Variants in SGCD observed in about 807,000 individuals in gnomAD.
SGCD encodes the protein sarcoglycan delta, also known as delta-sarcoglycan.
In SGCD, 18 loss-of-function variants were observed where a neutral mutation model predicts 36.6. The observed-to-expected ratio is 0.49, with a 90% CI of 0.34 to 0.73. SGCD has a LOEUF of 0.73. Among genes scored for constraint, SGCD ranks in the 30% least tolerant of loss-of-function variants. The pLI, the probability that SGCD is intolerant of heterozygous loss-of-function variation, is 0.01. For synonymous variants in SGCD, 133 were observed against 130.6 expected (o/e 1.02, Z -0.12); for missense variants, 387 against 346.7 (o/e 1.12, Z -0.92).
At chr5:156,719,601 C>T (rs1260556211) in intron 7 of SGCD, among the ~76,000 whole-genome samples, 1 of 152,038 alleles carries the variant, frequency 6.6e-6, no homozygotes, top group Non-Finnish European at 1.5e-5. Context: ...CTGCAGAGTA[C>T]ATACCTAAAT....
chr5:156,584,388 C>T (rs1212750295), intron 4 of SGCD, among the ~76,000 whole-genome samples: 1 of 152,202 alleles, frequency 6.6e-6, no homozygotes, highest in Non-Finnish European at 1.5e-5. Context: ...AGTTAAGTGT[C>T]TATGCCCCCT....
At chr5:156,653,767 A>G (rs147056847) in intron 7 of SGCD, among the ~76,000 whole-genome samples, 196 of 152,110 alleles carry the variant, frequency 1.3e-3, no homozygotes, top group African/African-American at 4.5e-3. Flanking sequence ...TAAATTGTTA[A>G]TGAACTTGGT....
chr5:156,323,115 A>C (rs948878711), upstream of SGCD, among the ~76,000 whole-genome samples: 2 of 152,184 alleles, frequency 1.3e-5, no homozygotes, highest in Non-Finnish European at 2.9e-5. Context: ...AGATGAGGTT[A>C]ATACTAGCAC....
At chr5:156,416,680 T>G (rs1333222923) in intron 3 of SGCD, among the ~76,000 whole-genome samples, 1 of 152,190 alleles carries the variant, frequency 6.6e-6, no homozygotes, top group Non-Finnish European at 1.5e-5. Context: ...TTGGACAAAC[T>G]CCTTCATCTC....
chr5:156,215,549 C>T (rs545781424), intron 3 of SGCD, among the ~76,000 whole-genome samples: 1 of 152,168 alleles, frequency 6.6e-6, no homozygotes, highest in East Asian at 1.9e-4. Flanking sequence ...TAAAAGAAGA[C>T]ATACAATAGG....
At chr5:156,005,258 A>G (rs564751510) in intron 1 of SGCD, among the ~76,000 whole-genome samples, 1 of 152,248 alleles carries the variant, frequency 6.6e-6, no homozygotes, top group East Asian at 1.9e-4. Context: ...CCTTCATCCC[A>G]GTCCTAATGG....
chr5:156,297,062 T>C (rs1384043693), intron 3 of SGCD, among the ~76,000 whole-genome samples: 2 of 151,814 alleles, frequency 1.3e-5, no homozygotes, highest in Non-Finnish European at 2.9e-5. Flanking sequence ...ATATTAGATA[T>C]TTTGATACAG....
the SGCD span, among the ~76,000 whole-genome samples, chr5:155,813,408 G>A: frequency 4.6e-5 from 7 of 152,196 alleles, no homozygotes; most frequent in East Asian, 3.9e-4. Context: ...AAAGGCCTGC[G>A]CATGCCTGAA....
intron 1 of SGCD, among the ~76,000 whole-genome samples, chr5:155,923,242 T>A (rs954610935): frequency 6.7e-6 from 1 of 149,926 alleles, no homozygotes; most frequent in African/African-American, 2.4e-5. Context: ...ATGAATAAAC[T>A]AATACATGTA....
intron 7 of SGCD, among the ~76,000 whole-genome samples, chr5:156,697,738 T>C (rs1754374481): frequency 6.7e-6 from 1 of 149,490 alleles, no homozygotes; most frequent in Non-Finnish European, 1.5e-5. Flanking sequence ...AAGATAGTAT[T>C]GGATGGACGG....
intron 4 of SGCD, among the ~76,000 whole-genome samples, chr5:156,581,492 G>A (rs985232087): frequency 2.0e-5 from 3 of 152,230 alleles, no homozygotes; most frequent in Non-Finnish European, 2.9e-5. Context: ...AAAAGTTTCT[G>A]CTGCCTTTTT....
At chr5:156,330,227 A>C (rs1269718429) in intron 2 of SGCD, among the ~76,000 whole-genome samples, 1 of 152,150 alleles carries the variant, frequency 6.6e-6, no homozygotes, top group Non-Finnish European at 1.5e-5. Context: ...GGTAAGTATA[A>C]TGCAAATATT....
chr5:156,456,009 C>T (rs1430115677), intron 3 of SGCD, among the ~76,000 whole-genome samples: 2 of 152,154 alleles, frequency 1.3e-5, no homozygotes, highest in African/African-American at 2.4e-5. Context: ...CTGCTGACAC[C>T]TTGATTTCAG....
At chr5:155,826,356 G>C in the SGCD span, among the ~76,000 whole-genome samples, 1 of 152,164 alleles carries the variant, frequency 6.6e-6, no homozygotes, top group African/African-American at 2.4e-5. Flanking sequence ...CCCTGCTTTT[G>C]AATCTTCCTG....
intron 1 of SGCD, among the ~76,000 whole-genome samples, chr5:155,877,871 G>T (rs944881958): frequency 6.6e-6 from 1 of 152,090 alleles, no homozygotes; most frequent in East Asian, 1.9e-4. Flanking sequence ...CTATAGGAAA[G>T]GGTCAGTATG....
intron 1 of SGCD, among the ~76,000 whole-genome samples, chr5:155,925,332 C>G (rs774344506): frequency 1.3e-5 from 2 of 152,156 alleles, no homozygotes; most frequent in Non-Finnish European, 2.9e-5. Flanking sequence ...TACCACAAAT[C>G]AGGTGGCTTA....
At chr5:156,146,849 A>C (rs1366186238) in intron 3 of SGCD, among the ~76,000 whole-genome samples, 1 of 152,160 alleles carries the variant, frequency 6.6e-6, no homozygotes, top group African/African-American at 2.4e-5. Context: ...ATTTTAACTT[A>C]TTAGTTTATT....
the SGCD span, among the ~76,000 whole-genome samples, chr5:155,784,539 A>G: frequency 6.6e-6 from 1 of 151,594 alleles, no homozygotes; most frequent in Non-Finnish European, 1.5e-5. Flanking sequence ...GGGAGAGACC[A>G]TTTAGAGGAT....
intron 1 of SGCD, among the ~76,000 whole-genome samples, chr5:156,072,712 G>A (rs376534746): frequency 6.6e-5 from 10 of 152,246 alleles, no homozygotes; most frequent in South Asian, 2.1e-4. Context: ...CCTGGATAAT[G>A]TCCTGCAGAG....
Sources: gnomAD v4.1 joint callset for allele counts (sites outside exome capture counted in the v4.1 genomes callset) on GRCh38, gnomAD v4.1.1 for gene constraint, MANE v1.5 for transcripts, NCBI Gene and HGNC (gene_info 2026-07-23, HGNC 2026-07-21) for gene names.